IGSF3: variants seen among roughly 807,000 people sequenced by gnomAD.
IGSF3 encodes immunoglobulin superfamily member 3, also known as glu-Trp-Ile EWI motif-containing protein 3.
IGSF3 carries 23 observed loss-of-function variants against 114.4 expected under a neutral mutation model. The observed-to-expected ratio is 0.20, with a 90% CI of 0.14 to 0.28. The LOEUF (loss-of-function observed/expected upper bound fraction) is 0.28, where lower values mean the gene tolerates loss of function less well. Among genes scored for constraint, IGSF3 ranks in the 10% least tolerant of loss-of-function variants. The probability of loss-of-function intolerance (pLI) is 1.00; values close to 1 mark genes in which losing one functional copy is unlikely to be tolerated. For synonymous variants in IGSF3, 571 were observed against 645.2 expected, an observed-to-expected ratio of 0.88 and a Z score of 1.74; for missense variants, 1,172 against 1,591.5, an observed-to-expected ratio of 0.74 and a Z score of 4.48.
In IGSF3 at chr1:116,634,190, G is replaced by A. The variant is rs1268027994; in HGVS notation, c.44-17733C>T. ...ACACATGTGAATGTATTACCTATTC[G>A]AAAAACAAATGAGTAAAAACACATG... On this transcript the variant is annotated intron_variant, in intron 2 of 10. Transcript: ENST00000369486. The surrounding 1 kb of genome is among the most constrained non-coding windows in gnomAD (Gnocchi z 4.2). Among the ~76,000 whole-genome samples the A allele has an allele frequency of 1.3e-5, 2 of 152,116 alleles. No individual in the cohort carries two copies. Among genetic ancestry groups the A allele is most frequent in the Non-Finnish European group, 2.9e-5 (2 of 68,030 alleles).
chr1:116,612,931 G>A lies in IGSF3; in HGVS notation c.832+834C>T, dbSNP rs1227498407. 2.0e-5 allele frequency among the ~76,000 whole-genome samples: 3 copies of A among 152,220 alleles called. No homozygotes were observed. Among genetic ancestry groups the A allele is most frequent in the African/African-American group, 7.2e-5 (3 of 41,434 alleles). On this transcript the variant is annotated intron_variant, in intron 4 of 10. Coordinates refer to ENST00000369486, the MANE Select transcript of IGSF3 (RefSeq NM_001007237.3). This position sits in a 1 kb window ranked among gnomAD's most constrained non-coding sequence, Gnocchi z 4.1. ...TGGGGAGTAGAGTCTGGGGCCACAG[G>A]AGATACCAAGAGAAGCCAGGGAGGG...
In IGSF3 at chr1:116,594,428, A is replaced by T. The variant is rs1254353944; in HGVS notation, c.2030-5324T>A. ...CAAAAATGGAGTATATGATCTGGGTATGAGCTAAAGTCCTAATTTCTGAGT... is the reference window on the plus strand; with the variant it reads ...CAAAAATGGAGTATATGATCTGGGTTTGAGCTAAAGTCCTAATTTCTGAGT... On this transcript the variant is annotated intron_variant, in intron 7 of 10. Transcript: ENST00000369486. This position sits in a 1 kb window ranked among gnomAD's most constrained non-coding sequence, Gnocchi z 5.2. Among the ~76,000 whole-genome samples, 4 of 152,238 alleles carry T rather than the reference A, an allele frequency of 2.6e-5. No homozygotes were observed. The highest frequency in any genetic ancestry group is 5.9e-5 in the Non-Finnish European group (4 of 68,040).
chr1:116,602,119 GTCC>G (rs1286026629), intron 6 of IGSF3, among the ~76,000 whole-genome samples: 1 of 152,146 alleles, frequency 6.6e-6, no homozygotes, highest in Non-Finnish European at 1.5e-5. Flanking sequence ...TCCTTGTTCA[GTCC>G]TTTGGGCCAC....
intron 2 of IGSF3, among the ~76,000 whole-genome samples, chr1:116,626,916 T>C (rs1647311901): frequency 6.6e-6 from 1 of 152,168 alleles, no homozygotes; most frequent in Non-Finnish European, 1.5e-5. Context: ...GCCACAGGAA[T>C]AGACACTTTT....
chr1:116,661,588 C>T lies in IGSF3; in HGVS notation c.43+4696G>A, dbSNP rs952972916. Among the ~76,000 whole-genome samples, 2 of 152,222 alleles carry T rather than the reference C, an allele frequency of 1.3e-5. No individual in the cohort carries two copies. Among genetic ancestry groups the T allele is most frequent in the African/African-American group, 4.8e-5 (2 of 41,452 alleles). On this transcript the variant is annotated intron_variant, in intron 2 of 10. Transcript: ENST00000369486. The surrounding 1 kb of genome is among the most constrained non-coding windows in gnomAD (Gnocchi z 4.0). ...AACAAGCCTTCTTAGAAGCCAGAGG[C>T]TCGGCTTCAGAGTCAAACGGAATAG...
chr1:116,646,510 A>G (rs998853064), intron 2 of IGSF3, among the ~76,000 whole-genome samples: 8 of 100,972 alleles, frequency 7.9e-5, no homozygotes, highest in Admixed American at 3.3e-4. Context: ...TTTGGCTCAC[A>G]AACAGTCAAG....
chr1:116,588,990 A>G lies in IGSF3; in HGVS notation c.2144T>C (p.Val715Ala), dbSNP rs567437372. The G allele has an allele frequency of 6.2e-7, 1 of 1,614,212 alleles. No individual in the cohort carries two copies. The highest frequency in any genetic ancestry group is 1.3e-5 in the African/African-American group (1 of 75,054). Residue 715 changes from valine (V) to alanine (A), a missense_variant, in exon 8 of 11, where the codon GTG becomes GCG. Around this residue, in one of 3 missense-constraint regions of IGSF3, gnomAD observed 736 missense variants for 1,042.0 expected, o/e 0.71. Transcript: ENST00000369486. The surrounding 1 kb of genome is among the most constrained non-coding windows in gnomAD (Gnocchi z 4.9). ...CGAGGGCTTGTGGACATACCAGAGCACCGCAAAGTGGGAGTTCTGGCTAGT... is the reference window on the plus strand; with the variant it reads ...CGAGGGCTTGTGGACATACCAGAGCGCCGCAAAGTGGGAGTTCTGGCTAGT... Reference protein sequence around the residue: ...SQTSQNSHFAVLWYVHKPSDA... With the variant: ...SQTSQNSHFAALWYVHKPSDA...
rs1329771613 is a variant in IGSF3 at position 116,594,075 on chromosome 1, T to C, written c.2030-4971A>G. Among the ~76,000 whole-genome samples the C allele has an allele frequency of 5.9e-5, 9 of 152,308 alleles. No individual in the cohort carries two copies. The East Asian group carries it at 1.7e-3, about 29-fold the overall frequency. ...TGCCAGGTCAGTCAAGAGAGGATTT[T>C]CCTTTGTTTTGTTCAGAATTGTAGC... On this transcript the variant is annotated intron_variant, in intron 7 of 10. Coordinates refer to ENST00000369486, the MANE Select transcript of IGSF3 (RefSeq NM_001007237.3). This position sits in a 1 kb window ranked among gnomAD's most constrained non-coding sequence, Gnocchi z 5.2.
At chr1:116,659,510 G>GT (rs1009260036) in intron 2 of IGSF3, among the ~76,000 whole-genome samples, 3 of 152,160 alleles carry the variant, frequency 2.0e-5, no homozygotes, top group African/African-American at 7.2e-5. Context: ...TTTCCTTAAA[G>GT]TAAAAACCAA....
In IGSF3 at chr1:116,585,222, T is replaced by C. The variant is rs1224854885; in HGVS notation, c.2441-170A>G. On this transcript the variant is annotated intron_variant, in intron 8 of 10. Coordinates refer to ENST00000369486, the MANE Select transcript of IGSF3 (RefSeq NM_001007237.3). The surrounding 1 kb of genome is among the most constrained non-coding windows in gnomAD (Gnocchi z 4.9). ...GGCTCCCTAAACATTCTGAGTTCCT[T>C]GATCGTGTGTCGGAATGCCTGGGTT... 6.6e-6 allele frequency among the ~76,000 whole-genome samples: 1 copy of C among 152,188 alleles called. No homozygotes were observed. Among genetic ancestry groups the C allele is most frequent in the Non-Finnish European group, 1.5e-5 (1 of 68,032 alleles).
In IGSF3 at chr1:116,603,856, G is replaced by A. The variant is rs774797899; in HGVS notation, c.1392C>T (p.Asp464=). The A allele has an allele frequency of 6.2e-7, 1 of 1,614,010 alleles. No homozygotes were observed. The highest frequency in any genetic ancestry group is 1.7e-5 in the Admixed American group (1 of 60,014). The change falls in exon 6 of 11, where the codon GAC becomes GAT. Residue 464 remains aspartate, a synonymous_variant. Coordinates refer to ENST00000369486, the MANE Select transcript of IGSF3 (RefSeq NM_001007237.3). This position sits in a 1 kb window ranked among gnomAD's most constrained non-coding sequence, Gnocchi z 7.1. ...QNRRSNIMWL[D]RDGTVQPGSS... ...AGCCTGGCTGCACGGTGCCATCCCG[G>A]TCTAGCCACATGATATTGCTGCGGC...
rs1661164018 is a variant in IGSF3 at position 116,615,006 on chromosome 1, G to A, written c.422-831C>T. On this transcript the variant is annotated intron_variant, in intron 3 of 10. Coordinates refer to ENST00000369486, the MANE Select transcript of IGSF3 (RefSeq NM_001007237.3). This position sits in a 1 kb window ranked among gnomAD's most constrained non-coding sequence, Gnocchi z 4.3. ...CCTGCTGGGAACGGCCAAGTGCGGTGGCTCACACCTATAATCCCAACACTT... is the reference window on the plus strand; with the variant it reads ...CCTGCTGGGAACGGCCAAGTGCGGTAGCTCACACCTATAATCCCAACACTT... Among the ~76,000 whole-genome samples, 1 of 152,214 alleles carries A rather than the reference G, an allele frequency of 6.6e-6. No homozygotes were observed. The highest frequency in any genetic ancestry group is 2.1e-4 in the South Asian group (1 of 4,824).
rs1446000233 is a variant in IGSF3, at chr1:116,598,376, C to T, written c.2029+1565G>A. 6.6e-6 allele frequency among the ~76,000 whole-genome samples: 1 copy of T among 152,212 alleles called. No individual in the cohort carries two copies. The highest frequency in any genetic ancestry group is 1.5e-5 in the Non-Finnish European group (1 of 68,040). On this transcript the variant is annotated intron_variant, in intron 7 of 10. Transcript: ENST00000369486. The surrounding 1 kb of genome is among the most constrained non-coding windows in gnomAD (Gnocchi z 4.3). ...TAAAATGGGGTCTCTGCTTAACCTTCCATTAACCTGAAAATCCATTTAAGC... is the reference window on the plus strand; with the variant it reads ...TAAAATGGGGTCTCTGCTTAACCTTTCATTAACCTGAAAATCCATTTAAGC...
In IGSF3 at chr1:116,651,641, A is replaced by G. The variant is rs1477340043; in HGVS notation, c.43+14643T>C. Reference sequence around the variant, plus strand: ...GACTGAGCAACTATTAGGTTGAACTATGTGACATTATTGACATTCGACTGC... The same window carrying G: ...GACTGAGCAACTATTAGGTTGAACTGTGTGACATTATTGACATTCGACTGC... On this transcript the variant is annotated intron_variant, in intron 2 of 10. Transcript: ENST00000369486. This position sits in a 1 kb window ranked among gnomAD's most constrained non-coding sequence, Gnocchi z 4.4. 1.3e-5 allele frequency among the ~76,000 whole-genome samples: 2 copies of G among 152,230 alleles called. No individual in the cohort carries two copies. The highest frequency in any genetic ancestry group is 2.9e-5 in the Non-Finnish European group (2 of 68,038).
At chr1:116,580,580 C>T (rs1659558117) in intron 9 of IGSF3, among the ~76,000 whole-genome samples, 1 of 152,224 alleles carries the variant, frequency 6.6e-6, no homozygotes, top group Non-Finnish European at 1.5e-5. Flanking sequence ...CGAGGAAAGA[C>T]TATTCAAGGA....
In IGSF3 at chr1:116,588,392, G is replaced by T. The variant is rs1429739282; in HGVS notation, c.2440+302C>A. Reference sequence around the variant, plus strand: ...AAACCCAGAAGAAGATTCAGGAGCTGCCATGAACCCTGCCTTGCCACATTT... The same window carrying T: ...AAACCCAGAAGAAGATTCAGGAGCTTCCATGAACCCTGCCTTGCCACATTT... On this transcript the variant is annotated intron_variant, in intron 8 of 10. Transcript: ENST00000369486. The surrounding 1 kb of genome is among the most constrained non-coding windows in gnomAD (Gnocchi z 4.9). Among the ~76,000 whole-genome samples the T allele has an allele frequency of 6.6e-6, 1 of 152,164 alleles. No individual in the cohort carries two copies. Among genetic ancestry groups the T allele is most frequent in the Non-Finnish European group, 1.5e-5 (1 of 68,022 alleles).
rs750458807 is a variant in IGSF3, at chr1:116,600,048, C to T, written c.1922G>A (p.Gly641Asp). The T allele has an allele frequency of 1.1e-5, 18 of 1,614,174 alleles. No homozygotes were observed. The highest frequency in any genetic ancestry group is 1.5e-5 in the Non-Finnish European group (18 of 1,180,034). ...CAGCTCTGCCACACACTGGTACTTG[C>T]CTGCTTCCGTGTCACTGGCTCGGCT... Reference protein sequence around the residue: ...SISRASDTEAGKYQCVAELWR... With the variant: ...SISRASDTEADKYQCVAELWR... Residue 641 changes from glycine (G) to aspartate (D), a missense_variant, in exon 7 of 11, where the codon GGC becomes GAC. Gly to Asp is a moderately conservative substitution (Grantham distance 94). This residue lies in a region of IGSF3 where 736 missense variants were observed against 1,042.0 expected (regional missense o/e 0.71). Coordinates refer to ENST00000369486, the MANE Select transcript of IGSF3 (RefSeq NM_001007237.3). The surrounding 1 kb of genome is among the most constrained non-coding windows in gnomAD (Gnocchi z 5.5).
rs780049989 is a variant in IGSF3, at chr1:116,612,733, G to A, written c.832+1032C>T. ...CAGTCCTCACCAGAAGTGAGCTTCC[G>A]CACAAGGAAAGGCTTTCAGGCCACT... On this transcript the variant is annotated intron_variant, in intron 4 of 10. Transcript: ENST00000369486. The surrounding 1 kb of genome is among the most constrained non-coding windows in gnomAD (Gnocchi z 4.1). Among the ~76,000 whole-genome samples, 5 of 152,182 alleles carry A rather than the reference G, an allele frequency of 3.3e-5. No homozygotes were observed. Among genetic ancestry groups the A allele is most frequent in the Non-Finnish European group, 7.3e-5 (5 of 68,028 alleles).
chr1:116,607,404 G>A lies in IGSF3; in HGVS notation c.1222+538C>T, dbSNP rs1297044748. On this transcript the variant is annotated intron_variant, in intron 5 of 10. Coordinates refer to ENST00000369486, the MANE Select transcript of IGSF3 (RefSeq NM_001007237.3). The surrounding 1 kb of genome is among the most constrained non-coding windows in gnomAD (Gnocchi z 6.1). ...GAAGATGTGAGAGGTCCCATCCACC[G>A]ACTTTTAGAAACACAATTTCAACAG... Among the ~76,000 whole-genome samples the A allele has an allele frequency of 2.0e-5, 3 of 152,198 alleles. No homozygotes were observed. The highest frequency in any genetic ancestry group is 2.9e-5 in the Non-Finnish European group (2 of 68,044).
Sources: allele counts gnomAD v4.1 joint callset (sites outside exome capture counted in the v4.1 genomes callset), GRCh38; gene constraint gnomAD v4.1.1; regional missense constraint gnomAD v4.1.1; non-coding constraint Gnocchi (gnomAD v3.1); transcripts MANE v1.5; gene names NCBI Gene and HGNC (gene_info 2026-07-23, HGNC 2026-07-21).